Variants in FRMD4B observed in about 807,000 individuals in gnomAD.
The protein encoded by FRMD4B is FERM domain-containing protein 4B.
FRMD4B carries 74 observed loss-of-function variants against 141.5 expected under a neutral mutation model. The ratio of observed to expected loss-of-function variants is 0.52; its 90% confidence interval spans 0.43 to 0.63. The LOEUF (loss-of-function observed/expected upper bound fraction) is 0.63. Ranked by LOEUF, FRMD4B falls within the 30% of genes least tolerant of loss-of-function variation. The probability of loss-of-function intolerance (pLI) is 0.00; values close to 1 mark genes in which losing one functional copy is unlikely to be tolerated. For missense variants in FRMD4B, 1,366 were observed against 1,253.4 expected (o/e 1.09, Z -1.36); for synonymous variants, 506 against 467.9 (o/e 1.08, Z -1.05).
chr3:69,486,499 T>C (rs1706218489), intron 1 of FRMD4B, among the ~76,000 whole-genome samples: 1 of 152,214 alleles, frequency 6.6e-6, no homozygotes, highest in Non-Finnish European at 1.5e-5. Flanking sequence ...ATTTGTAAGT[T>C]AGATTTGGCC....
intron 2 of FRMD4B, among the ~76,000 whole-genome samples, chr3:69,432,055 T>A (rs1035094429): frequency 8.5e-5 from 13 of 152,182 alleles, no homozygotes; most frequent in Non-Finnish European, 1.8e-4. Flanking sequence ...TGTTCAAATA[T>A]TCCATCCCCC....
intron 5 of FRMD4B, among the ~76,000 whole-genome samples, chr3:69,267,658 GA>G (rs2093573652): frequency 9.0e-6 from 1 of 111,380 alleles, no homozygotes; most frequent in Non-Finnish European, 1.8e-5. Flanking sequence ...GAGAGAGAGA[GA>G]GAGAGAGAGA....
chr3:69,439,615 C>A, intron 1 of FRMD4B, among the ~76,000 whole-genome samples: 1 of 152,124 alleles, frequency 6.6e-6, no homozygotes, highest in Admixed American at 6.5e-5. Context: ...TGATTTCTGT[C>A]CCGAAGTAGA....
At chr3:69,307,170 G>A (rs936411891) in intron 3 of FRMD4B, among the ~76,000 whole-genome samples, 7 of 152,070 alleles carry the variant, frequency 4.6e-5, no homozygotes, top group Non-Finnish European at 8.8e-5. Context: ...ACATTGTGGA[G>A]CCGGGGTTCT....
chr3:69,369,672 T>C (rs1367146301), intron 1 of FRMD4B, among the ~76,000 whole-genome samples: 3 of 152,190 alleles, frequency 2.0e-5, no homozygotes, highest in Non-Finnish European at 1.5e-5. Context: ...GCTGGAACTA[T>C]ATCTGGCATC....
At chr3:69,230,587 A>C (rs1439641505) in intron 7 of FRMD4B, among the ~76,000 whole-genome samples, 3 of 151,942 alleles carry the variant, frequency 2.0e-5, no homozygotes, top group Admixed American at 1.3e-4. Context: ...CTCTATTAAA[A>C]AAATATAAAA....
At chr3:69,500,406 G>T (rs187175731) in intron 1 of FRMD4B, among the ~76,000 whole-genome samples, 1 of 152,158 alleles carries the variant, frequency 6.6e-6, no homozygotes, top group Non-Finnish European at 1.5e-5. Context: ...TCATTGCATT[G>T]AGTGGGTCAT....
rs528827789 is a variant in FRMD4B, at chr3:69,258,444, C to A, written c.502-8345G>T. Among the ~76,000 whole-genome samples the A allele has an allele frequency of 2.6e-4, 40 of 152,076 alleles. No homozygotes were observed. The East Asian group carries it at 4.4e-3, about 17-fold the overall frequency. ...TCATCTTAGGGAAACATATATATTT[C>A]TATAAACTATATCAAATCAATACAA... On this transcript the variant is annotated intron_variant, in intron 5 of 22. Transcript: ENST00000398540.
chr3:69,180,341 C>T lies in FRMD4B; in HGVS notation c.2851+558G>A, dbSNP rs114625684. Among the ~76,000 whole-genome samples, 722 of 151,636 alleles carry T rather than the reference C, an allele frequency of 4.8e-3. 10 individuals are homozygous for T. The highest frequency in any genetic ancestry group is 0.017 in the African/African-American group (693 of 41,292). ...GATTCTTACGAGCCTTATGCAGGCA[C>T]TTGCCTAAGTACCTGCATAATCCCA... On this transcript the variant is annotated intron_variant, in intron 21 of 22. Transcript: ENST00000398540.
chr3:69,455,316 A>C (rs55824417), intron 1 of FRMD4B, among the ~76,000 whole-genome samples: 3 of 151,934 alleles, frequency 2.0e-5, no homozygotes, highest in South Asian at 2.1e-4. Flanking sequence ...TTGTTCTTTC[A>C]CTCTTTGCAA....
chr3:69,216,886 G>C (rs1559725696), intron 10 of FRMD4B, among the ~76,000 whole-genome samples: 1 of 151,818 alleles, frequency 6.6e-6, no homozygotes. Context: ...CCATCAAAAA[G>C]AGTAAAGCAT....
intron 1 of FRMD4B, among the ~76,000 whole-genome samples, chr3:69,458,401 G>C (rs1269821619): frequency 6.6e-6 from 1 of 152,074 alleles, no homozygotes; most frequent in African/African-American, 2.4e-5. Context: ...GGAAAATATA[G>C]GAAAAACTAG....
At chr3:69,190,043 C>A in intron 17 of FRMD4B, 91 bp from the exon 18 acceptor site, 1 of 710,176 alleles carries the variant, frequency 1.4e-6, no homozygotes, top group Non-Finnish European at 2.5e-6. Context: ...AATGCATTTT[C>A]ATTTAAATAA....
chr3:69,191,965 C>A (rs1304732552), intron 17 of FRMD4B, among the ~76,000 whole-genome samples: 1 of 152,170 alleles, frequency 6.6e-6, no homozygotes, highest in African/African-American at 2.4e-5. Flanking sequence ...ATGCTCTACA[C>A]CCAATTATAT....
At chr3:69,442,667 G>T (rs1289879868) in intron 1 of FRMD4B, among the ~76,000 whole-genome samples, 1 of 152,158 alleles carries the variant, frequency 6.6e-6, no homozygotes, top group Admixed American at 6.5e-5. Flanking sequence ...GGCAGATGGA[G>T]CCATACGTGC....
At chr3:69,489,724 T>C (rs375044997) in intron 1 of FRMD4B, among the ~76,000 whole-genome samples, 9 of 152,198 alleles carry the variant, frequency 5.9e-5, no homozygotes, top group African/African-American at 1.9e-4. Context: ...CAGAATTCTA[T>C]TCCTAGGTAT....
chr3:69,369,654 T>C (rs1278336677), intron 1 of FRMD4B, among the ~76,000 whole-genome samples: 11 of 152,192 alleles, frequency 7.2e-5, no homozygotes, highest in Admixed American at 7.2e-4. Context: ...CAAAATCTTA[T>C]GAGCTCGGCT....
intron 1 of FRMD4B, chr3:69,336,589 G>A (rs1242126432): frequency 6.6e-6 from 1 of 152,258 alleles, no homozygotes; most frequent in Admixed American, 6.5e-5. Context: ...GTACTTATCT[G>A]TAAAATGGGC....
chr3:69,471,671 G>T lies in FRMD4B; in HGVS notation c.-128-38910C>A. 1.7e-5 allele frequency: 3 copies of T among 174,564 alleles called. No individual in the cohort carries two copies. The South Asian group carries it at 4.3e-4, about 25-fold the overall frequency. The allele number at this position is 174,564 out of a possible 1,614,324, so 10.8% of individuals were successfully genotyped here. ...TCTAAGCTCTAAATGAAGAGCATGT[G>T]ACCATTCCTCAATGAGCTCTGTTAC... On this transcript the variant is annotated intron_variant, in intron 1 of 5. Coordinates refer to the FRMD4B transcript ENST00000459638.
Sources: allele counts gnomAD v4.1 joint callset (sites outside exome capture counted in the v4.1 genomes callset), GRCh38; gene constraint gnomAD v4.1.1; transcripts MANE v1.5; gene names NCBI Gene and HGNC (gene_info 2026-07-23, HGNC 2026-07-21).